The following NSUN6 variants were observed in gnomAD, a reference collection of about 807,000 sequenced individuals.
NSUN6 encodes the protein tRNA (cytosine(72)-C(5))-methyltransferase NSUN6.
A neutral mutation model predicts 58.0 loss-of-function variants in NSUN6; 64 were observed. That is an observed-to-expected ratio of 1.10 (90% confidence interval 0.90 to 1.36). The LOEUF is 1.36. Ranked by LOEUF, NSUN6 falls within the 40% of genes most tolerant of loss-of-function variation. NSUN6 has a pLI of 0.00. For missense variants in NSUN6, 701 were observed against 550.1 expected, an observed-to-expected ratio of 1.27 and a Z score of -2.74; for synonymous variants, 231 against 193.9, an observed-to-expected ratio of 1.19 and a Z score of -1.59.
chr10:18,648,786 T>C (rs1351964034), intron 1 of NSUN6, 141 bp from the exon 2 acceptor site: 2 of 528,066 alleles, frequency 3.8e-6, no homozygotes, highest in Non-Finnish European at 3.4e-6. Context: ...TATATGTTAA[T>C]AGCAACTAAG....
Position 18,545,955 on chromosome 10 carries a change from A to C in NSUN6, c.1388T>G (p.Phe463Cys). The change falls in exon 11 of 11, where the codon TTT (phenylalanine) becomes TGT (cysteine). Residue 463 changes from phenylalanine (F) to cysteine (C), a missense_variant. By Grantham distance (205) the Phe-to-Cys change is radical. Transcript: ENST00000377304. ...KDSIGFFIAKFVKCKST is the reference protein window; with the variant it reads ...KDSIGFFIAKCVKCKST ...CTCCTATGTGCTTTTGCATTTTACA[A>C]ATTTTGCAATAAAAAAACCTATAGA... 2 of 1,581,648 alleles carry C rather than the reference A, an allele frequency of 1.3e-6. No homozygotes were observed. The highest frequency in any genetic ancestry group is 1.7e-6 in the Non-Finnish European group (2 of 1,168,496).
chr10:18,603,473 C>CTTTTTT (rs1245707205), intron 6 of NSUN6, among the ~76,000 whole-genome samples: 1 of 147,506 alleles, frequency 6.8e-6, no homozygotes. Flanking sequence ...CTTTTCTTTT[C>CTTTTTT]TTTTCTTTTT....
At chr10:18,588,269 G>A (rs1207969982) in intron 7 of NSUN6, among the ~76,000 whole-genome samples, 6 of 152,186 alleles carry the variant, frequency 3.9e-5, no homozygotes, top group Admixed American at 1.3e-4. Context: ...GCCCACTCAG[G>A]GGCTTACAGA....
intron 2 of NSUN6, among the ~76,000 whole-genome samples, chr10:18,643,070 G>A (rs2059435515): frequency 6.6e-6 from 1 of 151,814 alleles, no homozygotes; most frequent in South Asian, 2.1e-4. Flanking sequence ...AGGTACAGGT[G>A]CGGGAGCCAG....
chr10:18,604,447 T>C (rs2057969822), intron 6 of NSUN6, among the ~76,000 whole-genome samples: 1 of 152,290 alleles, frequency 6.6e-6, no homozygotes, highest in South Asian at 2.1e-4. Context: ...GCTTTGTTAC[T>C]CAAAGTATGG....
At chr10:18,581,929 T>C (rs554571045) in intron 8 of NSUN6, among the ~76,000 whole-genome samples, 42 of 152,316 alleles carry the variant, frequency 2.8e-4, no homozygotes, top group Admixed American at 1.9e-3. Context: ...CTTTACTCTA[T>C]GAACTCATCC....
intron 6 of NSUN6, among the ~76,000 whole-genome samples, chr10:18,600,961 C>CATAT (rs765573745): frequency 3.6e-4 from 17 of 47,804 alleles, no homozygotes; most frequent in East Asian, 1.8e-3. Flanking sequence ...TATATATATA[C>CATAT]ATATATATAT....
chr10:18,619,673 T>A (rs1380245781), intron 3 of NSUN6, among the ~76,000 whole-genome samples: 1 of 152,240 alleles, frequency 6.6e-6, no homozygotes, highest in East Asian at 1.9e-4. Flanking sequence ...CATCTTCATG[T>A]TATCTAATTC....
chr10:18,580,243 T>C (rs11014985), intron 8 of NSUN6, among the ~76,000 whole-genome samples: 7,384 of 152,276 alleles, frequency 0.048, 276 homozygotes, highest in Non-Finnish European at 0.077. Flanking sequence ...CACAGCTTAA[T>C]AAGAACAGTG....
chr10:18,551,969 C>G lies in NSUN6; in HGVS notation c.925G>C (p.Glu309Gln). The G allele has an allele frequency of 6.3e-7, 1 of 1,593,812 alleles. No individual in the cohort carries two copies. Residue 309 changes from glutamate to glutamine, a missense_variant and splice_region_variant, in exon 9 of 11, where the codon GAA (glutamate) becomes CAA (glutamine). Coordinates refer to ENST00000377304, the MANE Select transcript of NSUN6 (RefSeq NM_182543.5). Reference protein sequence around the residue: ...KLDMVEDTEGEPPFLPESFDR... With the variant: ...KLDMVEDTEGQPPFLPESFDR... ...AAGGATTCTGGTAGAAATGGAGGTT[C>G]TCCTATAAAGAGAATTATAATCATG...
intron 10 of NSUN6, among the ~76,000 whole-genome samples, chr10:18,547,131 A>G (rs1248073504): frequency 2.0e-5 from 3 of 152,178 alleles, no homozygotes; most frequent in African/African-American, 7.2e-5. Flanking sequence ...AGGCTGTATC[A>G]ATTAGTTTAG....
chr10:18,651,248 G>T lies in NSUN6; in HGVS notation c.-45C>A. The T allele has an allele frequency of 6.7e-7, 1 of 1,497,660 alleles. No individual in the cohort carries two copies. The highest frequency in any genetic ancestry group is 1.3e-5 in the South Asian group (1 of 76,822). The allele number at this position is 1,497,660 out of a possible 1,614,324, so 92.8% of individuals were successfully genotyped here. A position where few individuals can be genotyped will look rare whatever the true frequency, so the allele number is the denominator to read the frequency against. On this transcript the variant is annotated 5_prime_UTR_variant, in exon 1 of 11. Coordinates refer to ENST00000377304, the MANE Select transcript of NSUN6 (RefSeq NM_182543.5). ...TCCACCAAGAGAAATGCTGGAAAAC[G>T]GTGTTTTGTTTTTTTTTTTCTTTCC...
chr10:18,586,236 T>C (rs1274321824), intron 7 of NSUN6, 143 bp from the exon 8 acceptor site: 1 of 653,800 alleles, frequency 1.5e-6, no homozygotes, highest in Non-Finnish European at 2.5e-6. Flanking sequence ...CCTCTATCCA[T>C]TAACCAAATG....
At chr10:18,585,890 A>G (rs753035665) in intron 8 of NSUN6, 59 bp downstream of exon 8, 4 of 1,294,780 alleles carry the variant, frequency 3.1e-6, no homozygotes, top group Non-Finnish European at 4.3e-6. Flanking sequence ...AAAACATCAC[A>G]CTGTATGCCA....
intron 8 of NSUN6, 139 bp downstream of exon 8, chr10:18,585,810 G>A (rs1391115458): frequency 9.2e-6 from 6 of 651,310 alleles, no homozygotes; most frequent in Non-Finnish European, 1.5e-5. Context: ...ACAAGGATAA[G>A]TACAGTGATG....
intron 9 of NSUN6, among the ~76,000 whole-genome samples, chr10:18,550,883 C>T (rs1175044887): frequency 1.3e-5 from 2 of 152,182 alleles, no homozygotes; most frequent in East Asian, 1.9e-4. Flanking sequence ...CACAACCACA[C>T]CCAGCTAATT....
At chr10:18,584,571 A>G (rs1429057299) in intron 8 of NSUN6, among the ~76,000 whole-genome samples, 1 of 152,192 alleles carries the variant, frequency 6.6e-6, no homozygotes, top group Non-Finnish European at 1.5e-5. Flanking sequence ...CATTATTAAC[A>G]CAACTTAGGT....
intron 8 of NSUN6, among the ~76,000 whole-genome samples, chr10:18,584,275 C>T (rs576355865): frequency 6.6e-6 from 1 of 152,316 alleles, no homozygotes; most frequent in African/African-American, 2.4e-5. Flanking sequence ...CAGTGGGAGC[C>T]CTGCCCTCGT....
intron 7 of NSUN6, among the ~76,000 whole-genome samples, chr10:18,588,641 C>T (rs2057263480): frequency 2.0e-5 from 3 of 152,188 alleles, no homozygotes; most frequent in Admixed American, 1.3e-4. Context: ...CAAACAGGGT[C>T]TGGGGTGGAC....
Sources: gnomAD v4.1 joint callset for allele counts (sites outside exome capture counted in the v4.1 genomes callset) on GRCh38, gnomAD v4.1.1 for gene constraint, MANE v1.5 for transcripts, NCBI Gene and HGNC (gene_info 2026-07-23, HGNC 2026-07-21) for gene names.